Variants in ANKDD1B observed in about 807,000 individuals in gnomAD.
ANKDD1B encodes ankyrin repeat and death domain containing 1B, also known as ankyrin repeat and death domain-containing protein 1B.
ANKDD1B carries 57 observed loss-of-function variants against 59.7 expected under a neutral mutation model. The observed-to-expected ratio is 0.95, with a 90% CI of 0.77 to 1.19. The LOEUF (loss-of-function observed/expected upper bound fraction) is 1.19. Among genes scored for constraint, ANKDD1B ranks in the 50% most tolerant of loss-of-function variants. The pLI is 0.00. For missense variants in ANKDD1B, 602 were observed against 641.9 expected (o/e 0.94, Z 0.67); for synonymous variants, 216 against 239.5 (o/e 0.90, Z 0.91).
chr5:75,613,975 G>C (rs149336747), intron 1 of ANKDD1B, among the ~76,000 whole-genome samples: 329 of 152,288 alleles, frequency 2.2e-3, no homozygotes, highest in African/African-American at 7.6e-3. Flanking sequence ...TTAAAAGAAA[G>C]ATATATTTCT....
At chr5:75,625,611 A>G in intron 3 of ANKDD1B, 36 bp from the exon 4 acceptor site, 1 of 1,496,696 alleles carries the variant, frequency 6.7e-7, no homozygotes, top group Non-Finnish European at 9.0e-7. Context: ...AGCTTGTCAG[A>G]GTGATAGATT....
intron 7 of ANKDD1B, among the ~76,000 whole-genome samples, chr5:75,640,692 A>G (rs1045739923): frequency 2.0e-5 from 3 of 152,236 alleles, no homozygotes; most frequent in Non-Finnish European, 4.4e-5. Context: ...TGACACCAAC[A>G]TTCCAAATAA....
intron 12 of ANKDD1B, among the ~76,000 whole-genome samples, chr5:75,667,481 T>C (rs1416397933): frequency 6.6e-6 from 1 of 152,092 alleles, no homozygotes; most frequent in Non-Finnish European, 1.5e-5. Context: ...AGGGTTGTTG[T>C]AGGACACTGC....
In ANKDD1B at chr5:75,617,577, T is replaced by G. The variant is rs552175145; in HGVS notation, c.297+670T>G. ...AAGGTTGGAGGCTGTGTCAATTGCT[T>G]AGGACAATTTGTGGAGTGGTTCAAG... is the stretch of plus-strand genomic sequence containing the variant. On this transcript the variant is annotated intron_variant, in intron 2 of 13. Coordinates refer to ENST00000601380, the MANE Select transcript of ANKDD1B (RefSeq NM_001276713.2). 5.2e-4 allele frequency among the ~76,000 whole-genome samples: 79 copies of G among 152,256 alleles called. 1 individual carries two copies. Among genetic ancestry groups the G allele is most frequent in the African/African-American group, 1.8e-3 (76 of 41,556 alleles).
At chr5:75,634,299 A>T (rs1366068609) in intron 5 of ANKDD1B, among the ~76,000 whole-genome samples, 6 of 152,206 alleles carry the variant, frequency 3.9e-5, no homozygotes, top group African/African-American at 1.4e-4. Context: ...CTTCATCTGT[A>T]TTCTCTGGGT....
intron 7 of ANKDD1B, among the ~76,000 whole-genome samples, chr5:75,647,422 C>T (rs2111977685): frequency 7.9e-6 from 1 of 127,262 alleles, no homozygotes; most frequent in South Asian, 2.3e-4. Context: ...ACAAACAACC[C>T]CATCAAAAAG....
At chr5:75,670,350 A>G (rs572901528) in intron 13 of ANKDD1B, among the ~76,000 whole-genome samples, 4 of 152,252 alleles carry the variant, frequency 2.6e-5, no homozygotes, top group Non-Finnish European at 5.9e-5. Flanking sequence ...AAAATATGGA[A>G]ATTCTTGATC....
chr5:75,653,351 G>T (rs1774879937), intron 8 of ANKDD1B, 111 bp downstream of exon 8: 1 of 711,186 alleles, frequency 1.4e-6, no homozygotes, highest in South Asian at 1.8e-5. Flanking sequence ...CACAAGGGAG[G>T]AATTCTTTCT....
intron 1 of ANKDD1B, 132 bp downstream of exon 1, chr5:75,611,959 AC>A: frequency 1.4e-6 from 1 of 707,966 alleles, no homozygotes; most frequent in Non-Finnish European, 2.0e-6. Flanking sequence ...CAGCCCTGGG[AC>A]CCCGAGTCCC....
At position 75,620,395 on chromosome 5, in the gene ANKDD1B, G is replaced by T; in HGVS notation, c.378G>T (p.Arg126Ser). The change falls in exon 3 of 14, where the codon AGG becomes AGT. Residue 126 changes from arginine to serine, a missense_variant. Arg to Ser is a moderately radical substitution (Grantham distance 110). This residue lies in a region of ANKDD1B where 317 missense variants were observed against 304.6 expected (regional missense o/e 1.04). Coordinates refer to ENST00000601380, the MANE Select transcript of ANKDD1B (RefSeq NM_001276713.2). ...ATTTCTTGCTTAAACACAAGGCCAG[G>T]GTGGATGTTGCTGATAAGGTAAGCT... ...AVDFLLKHKA[R>S]VDVADKHGLT... 1 of 1,532,938 alleles carries T rather than the reference G, an allele frequency of 6.5e-7. No homozygotes were observed. The highest frequency in any genetic ancestry group is 1.2e-5 in the South Asian group (1 of 83,896). 95.0% of individuals were successfully genotyped at this position (1,532,938 alleles called of 1,614,324 possible).
At chr5:75,654,323 G>A (rs1774907234) in intron 8 of ANKDD1B, among the ~76,000 whole-genome samples, 1 of 152,184 alleles carries the variant, frequency 6.6e-6, no homozygotes, top group Admixed American at 6.5e-5. Context: ...TTCAAGTCCT[G>A]TCTCTGCCAC....
At chr5:75,627,023 T>A (rs1486857965) in intron 5 of ANKDD1B, among the ~76,000 whole-genome samples, 8 of 152,214 alleles carry the variant, frequency 5.3e-5, no homozygotes, top group Non-Finnish European at 1.0e-4. Context: ...AACAACAATA[T>A]TAATGATAAG....
chr5:75,621,130 G>C (rs962959405), intron 3 of ANKDD1B, among the ~76,000 whole-genome samples: 1 of 152,222 alleles, frequency 6.6e-6, no homozygotes, highest in African/African-American at 2.4e-5. Flanking sequence ...CCCTACCACT[G>C]TCAAGTTGTA....
intron 8 of ANKDD1B, among the ~76,000 whole-genome samples, chr5:75,654,891 A>G (rs1774927501): frequency 6.6e-6 from 1 of 151,952 alleles, no homozygotes; most frequent in Non-Finnish European, 1.5e-5. Context: ...GCACAGTGTC[A>G]CTGGATCTTC....
chr5:75,661,126 C>T (rs1162565414), intron 10 of ANKDD1B, among the ~76,000 whole-genome samples: 2 of 150,112 alleles, frequency 1.3e-5, no homozygotes, highest in Non-Finnish European at 1.5e-5. Flanking sequence ...TGGCTGGGCG[C>T]GGTGGCTCAC....
Position 75,643,613 on chromosome 5 carries a change from A to G in ANKDD1B, c.798+7731A>G, listed in dbSNP as rs201252511. ...GGGACTATGTGAAAAGACCAAATCT[A>G]CGTCGGATTGGTGTACCTGAAAGTG... On this transcript the variant is annotated intron_variant, in intron 7 of 13. Transcript: ENST00000601380. Among the ~76,000 whole-genome samples the G allele has an allele frequency of 5.5e-4, 25 of 45,454 alleles. No individual in the cohort carries two copies. In the East Asian group the frequency reaches 7.8e-3, roughly 14 times the overall value. The allele number at this position is 45,454 out of a possible 152,430, so 29.8% of individuals were successfully genotyped here. A position where few individuals can be genotyped will look rare whatever the true frequency, so the allele number is the denominator to read the frequency against.
rs1773566027 is a variant in ANKDD1B, at chr5:75,611,812, G to A, written c.178G>A (p.Ala60Thr). The change falls in exon 1 of 14, where the codon GCC becomes ACC. Residue 60 changes from alanine to threonine, a missense_variant. This residue lies in a region of ANKDD1B where 317 missense variants were observed against 304.6 expected (regional missense o/e 1.04). Coordinates refer to ENST00000601380, the MANE Select transcript of ANKDD1B (RefSeq NM_001276713.2). ...EGLGEEDTAV[A>T]GHELLLPNER... is the part of the protein sequence containing the mutation. ...TCTTGGAGAGGAGGACACAGCAGTT[G>A]CCGGACACGAGCTCCGTGAGTCCCG... The A allele has an allele frequency of 8.1e-7, 1 of 1,231,860 alleles. No homozygotes were observed. Among genetic ancestry groups the A allele is most frequent in the African/African-American group, 1.6e-5 (1 of 64,432 alleles). The allele number at this position is 1,231,860 out of a possible 1,614,324, so 76.3% of individuals were successfully genotyped here. A position where few individuals can be genotyped will look rare whatever the true frequency, so the allele number is the denominator to read the frequency against.
At chr5:75,667,776 G>A (rs1183901409) in intron 12 of ANKDD1B, among the ~76,000 whole-genome samples, 2 of 152,176 alleles carry the variant, frequency 1.3e-5, no homozygotes, top group Admixed American at 1.3e-4. Context: ...GCCCTCTCAT[G>A]GACATCCTAA....
At chr5:75,657,899 G>GA (rs772314604) in intron 9 of ANKDD1B, among the ~76,000 whole-genome samples, 1,149 of 107,860 alleles carry the variant, frequency 0.011, 20 homozygotes, top group Admixed American at 0.059. Context: ...TCCATCTCAA[G>GA]AAAAAAAAAA....
Sources: gnomAD v4.1 joint callset for allele counts (sites outside exome capture counted in the v4.1 genomes callset) on GRCh38, gnomAD v4.1.1 for gene constraint, gnomAD v4.1.1 regional missense constraint, MANE v1.5 for transcripts, NCBI Gene and HGNC (gene_info 2026-07-23, HGNC 2026-07-21) for gene names.